The following TCP11L1 variants were observed in gnomAD, a reference collection of about 807,000 sequenced individuals.
TCP11L1 encodes t-complex 11 like 1, also known as T-complex protein 11-like protein 1.
Under a neutral mutation model 48.9 loss-of-function variants are expected in TCP11L1, and 28 were observed. The ratio of observed to expected loss-of-function variants is 0.57; its 90% confidence interval spans 0.42 to 0.78. The LOEUF (loss-of-function observed/expected upper bound fraction) is 0.78, where lower values mean the gene tolerates loss of function less well. Among genes scored for constraint, TCP11L1 ranks in the 30% least tolerant of loss-of-function variants. TCP11L1 has a pLI of 0.00. For synonymous variants in TCP11L1, 204 were observed against 231.9 expected (o/e 0.88, Z 1.09); for missense variants, 505 against 613.4 (o/e 0.82, Z 1.87).
chr11:33,060,943 C>T (rs1233765149), intron 6 of TCP11L1, among the ~76,000 whole-genome samples: 1 of 151,906 alleles, frequency 6.6e-6, no homozygotes, highest in African/African-American at 2.4e-5. Context: ...GGCTAGGTGT[C>T]ATGTATTTGT....
chr11:33,041,611 C>T (rs370243937), intron 1 of TCP11L1, among the ~76,000 whole-genome samples: 1 of 151,828 alleles, frequency 6.6e-6, no homozygotes, highest in Non-Finnish European at 1.5e-5. Context: ...ATTAGCGAGG[C>T]GTGGTGGTGG....
intron 3 of TCP11L1, chr11:33,056,853 T>C (rs917862633): frequency 3.3e-5 from 14 of 419,456 alleles, no homozygotes; most frequent in Admixed American, 2.7e-4. Flanking sequence ...TATATGGCAC[T>C]GTCATATGCT....
chr11:33,056,648 TG>T, intron 3 of TCP11L1: 1 of 245,138 alleles, frequency 4.1e-6, no homozygotes. Context: ...CTGCAACCTC[TG>T]GCCAGGCTGA....
intron 2 of TCP11L1, among the ~76,000 whole-genome samples, chr11:33,047,907 G>C (rs537162750): frequency 6.6e-6 from 1 of 152,114 alleles, no homozygotes; most frequent in African/African-American, 2.4e-5. Context: ...ATAAATGTCC[G>C]TCCACTTATG....
rs189857856 is a variant in TCP11L1 at position 33,044,622 on chromosome 11, C to T, written c.163+686C>T. Among the ~76,000 whole-genome samples the T allele has an allele frequency of 1.2e-4, 18 of 152,242 alleles. No homozygotes were observed. In the East Asian group the frequency reaches 2.7e-3, roughly 23 times the overall value. On this transcript the variant is annotated intron_variant, in intron 2 of 9. Transcript: ENST00000334274. ...AAATTGTAGATGATCAGTAGTTGTA[C>T]GTATTTGGAAAAAGTACAGACATTT...
chr11:33,055,037 G>T (rs1383566510), intron 3 of TCP11L1, among the ~76,000 whole-genome samples: 1 of 152,228 alleles, frequency 6.6e-6, no homozygotes, highest in Non-Finnish European at 1.5e-5. Flanking sequence ...AAGACTGTGG[G>T]TTATTCTCTG....
At chr11:33,052,553 TG>T (rs1168969125) in intron 2 of TCP11L1, among the ~76,000 whole-genome samples, 1 of 152,126 alleles carries the variant, frequency 6.6e-6, no homozygotes, top group East Asian at 1.9e-4. Flanking sequence ...CTTTTAAACC[TG>T]GGCAAACCAG....
intron 9 of TCP11L1, among the ~76,000 whole-genome samples, chr11:33,071,414 T>C (rs1322299794): frequency 6.6e-6 from 1 of 152,206 alleles, no homozygotes; most frequent in African/African-American, 2.4e-5. Context: ...CCTGAGAGGA[T>C]TCCCCAGGCA....
chr11:33,042,503 A>G (rs900999321), intron 1 of TCP11L1, among the ~76,000 whole-genome samples: 85 of 152,250 alleles, frequency 5.6e-4, no homozygotes, highest in African/African-American at 2.0e-3. Flanking sequence ...TATTCTGATC[A>G]GCAACTAATA....
rs979197212 is a variant in TCP11L1 at position 33,068,682 on chromosome 11, C to T, written c.1155-5C>T. The T allele has an allele frequency of 3.7e-6, 6 of 1,613,302 alleles. No individual in the cohort carries two copies. The African/African-American group carries it at 6.7e-5, about 18-fold the overall frequency. The stretch of plus-strand genomic sequence containing the variant: ...ATAGGCCCTTTCTCCCCTCCTCTGC[C>T]CCAGCTCCTTCCATCTGAAGGACGT... On this transcript the variant is annotated splice_region_variant and splice_polypyrimidine_tract_variant and intron_variant, in intron 8 of 9. Transcript: ENST00000334274.
At chr11:33,050,508 T>C (rs1465673223) in intron 2 of TCP11L1, among the ~76,000 whole-genome samples, 1 of 152,212 alleles carries the variant, frequency 6.6e-6, no homozygotes, top group Non-Finnish European at 1.5e-5. Flanking sequence ...CATATATTTA[T>C]ACATATGTAT....
intron 2 of TCP11L1, among the ~76,000 whole-genome samples, chr11:33,046,121 C>T (rs1372314170): frequency 6.6e-6 from 1 of 152,256 alleles, no homozygotes; most frequent in African/African-American, 2.4e-5. Flanking sequence ...GATTATGGTG[C>T]TGCAGGGCAG....
chr11:33,059,162 G>A, intron 6 of TCP11L1, 67 bp downstream of exon 6: 1 of 1,575,690 alleles, frequency 6.3e-7, no homozygotes, highest in Non-Finnish European at 8.6e-7. Flanking sequence ...GCCATAGCTT[G>A]TTGCATAATA....
chr11:33,045,600 C>A (rs891584144), intron 2 of TCP11L1, among the ~76,000 whole-genome samples: 9 of 152,176 alleles, frequency 5.9e-5, no homozygotes, highest in Non-Finnish European at 1.2e-4. Flanking sequence ...GATAGCTTTA[C>A]AACCTATAGT....
rs1485413859 is a variant in TCP11L1 at position 33,057,925 on chromosome 11, T to A, written c.424T>A (p.Leu142Ile). ...TAGCTGTGTTCTCTTGTAGACTCTC[T>A]TATCTTTCTTGCTGCCTGGTCATAC... is the stretch of plus-strand genomic sequence containing the variant. ...KLVGEIKETL[L>I]SFLLPGHTRL... is the part of the protein sequence containing the mutation. Residue 142 changes from leucine to isoleucine, a missense_variant, in exon 5 of 10, where the codon TTA becomes ATA. This residue lies in a region of TCP11L1 where 168 missense variants were observed against 183.5 expected (regional missense o/e 0.92). Coordinates refer to ENST00000334274, the MANE Select transcript of TCP11L1 (RefSeq NM_018393.4). 6.2e-7 allele frequency: 1 copy of A among 1,612,996 alleles called. No individual in the cohort carries two copies. The highest frequency in any genetic ancestry group is 8.5e-7 in the Non-Finnish European group (1 of 1,179,816).
At chr11:33,066,068 A>G in intron 8 of TCP11L1, 57 bp downstream of exon 8, 1 of 1,591,466 alleles carries the variant, frequency 6.3e-7, no homozygotes, top group African/African-American at 1.3e-5. Context: ...AGCCGACTGG[A>G]GTCTCCCAGA....
intron 2 of TCP11L1, among the ~76,000 whole-genome samples, chr11:33,053,477 T>C (rs1854224514): frequency 6.6e-6 from 1 of 152,176 alleles, no homozygotes; most frequent in Admixed American, 6.6e-5. Context: ...CCTTTGTTCC[T>C]TGGTTTAGAA....
chr11:33,064,356 C>CA (rs1186989544), intron 7 of TCP11L1, among the ~76,000 whole-genome samples: 3 of 152,152 alleles, frequency 2.0e-5, no homozygotes, highest in African/African-American at 7.2e-5. Flanking sequence ...TCTCAATCCT[C>CA]AGGGTTTTTA....
chr11:33,042,831 G>T (rs543141491), intron 1 of TCP11L1, among the ~76,000 whole-genome samples: 1 of 152,114 alleles, frequency 6.6e-6, no homozygotes, highest in African/African-American at 2.4e-5. Context: ...ACTTTGGGAG[G>T]CCAGGGCAGG....
Sources: gnomAD v4.1 joint callset for allele counts (sites outside exome capture counted in the v4.1 genomes callset) on GRCh38, gnomAD v4.1.1 for gene constraint, gnomAD v4.1.1 regional missense constraint, MANE v1.5 for transcripts, NCBI Gene and HGNC (gene_info 2026-07-23, HGNC 2026-07-21) for gene names.